PRKN: variants seen among roughly 807,000 people sequenced by gnomAD.
PRKN encodes E3 ubiquitin-protein ligase parkin.
PRKN carries 56 observed loss-of-function variants against 59.5 expected under a neutral mutation model. The ratio of observed to expected loss-of-function variants is 0.94; its 90% confidence interval spans 0.76 to 1.18. PRKN has a LOEUF of 1.18. Ranked by LOEUF, PRKN falls within the 50% of genes most tolerant of loss-of-function variation. The probability of loss-of-function intolerance (pLI) is 0.00; values close to 1 mark genes in which losing one functional copy is unlikely to be tolerated. For missense variants in PRKN, 657 were observed against 596.4 expected (o/e 1.10, Z -1.06); for synonymous variants, 250 against 222.1 (o/e 1.13, Z -1.12).
At chr6:162,218,009 A>G (rs1777767183) in intron 3 of PRKN, among the ~76,000 whole-genome samples, 1 of 152,182 alleles carries the variant, frequency 6.6e-6, no homozygotes, top group Admixed American at 6.5e-5. Context: ...AGAGGTAGAC[A>G]TGTCCCACAC....
At chr6:162,347,304 A>C (rs1784443307) in intron 2 of PRKN, among the ~76,000 whole-genome samples, 1 of 148,588 alleles carries the variant, frequency 6.7e-6, no homozygotes, top group Non-Finnish European at 1.5e-5. Flanking sequence ...TTATAGCCAC[A>C]CATGTAAAAG....
At chr6:161,732,393 A>G (rs1254651054) in intron 7 of PRKN, among the ~76,000 whole-genome samples, 59 of 151,082 alleles carry the variant, frequency 3.9e-4, no homozygotes, top group Admixed American at 3.9e-3. Context: ...CCCACCCTCC[A>G]TGCTCAGGTA....
intron 7 of PRKN, among the ~76,000 whole-genome samples, chr6:161,784,137 G>A (rs184359462): frequency 1.7e-4 from 26 of 152,174 alleles, no homozygotes; most frequent in Non-Finnish European, 3.1e-4. Flanking sequence ...CTTCACTCCA[G>A]GTACATAAAT....
At chr6:162,235,963 A>AAGAAAGAAAGAAAGAAAGAAAG (rs1778662786) in intron 3 of PRKN, among the ~76,000 whole-genome samples, 1 of 61,540 alleles carries the variant, frequency 1.6e-5, no homozygotes, top group African/African-American at 7.6e-5. Flanking sequence ...GAAAGGAAGA[A>AAGAAAGAAAGAAAGAAAGAAAG]AGAAAGAAAG....
rs560543069 is a variant in PRKN, at chr6:161,512,740, GGA to G, written c.1083+36112_1083+36113del. ...ACGTGTGACTATGTAGAGCAAACGCGGAGAGGCAAGTGCCCCTGACTCTTACT... is the reference window on the plus strand; with the variant it reads ...ACGTGTGACTATGTAGAGCAAACGCGGAGGCAAGTGCCCCTGACTCTTACT... On this transcript the variant is annotated intron_variant, in intron 9 of 11. Coordinates refer to ENST00000366898, the MANE Select transcript of PRKN (RefSeq NM_004562.3). Among the ~76,000 whole-genome samples, 9 of 152,262 alleles carry G rather than the reference GGA, an allele frequency of 5.9e-5. No individual in the cohort carries two copies. In the South Asian group the frequency reaches 1.9e-3, roughly 32 times the overall value.
intron 4 of PRKN, among the ~76,000 whole-genome samples, chr6:162,119,557 G>C (rs1481206819): frequency 2.0e-5 from 3 of 152,128 alleles, no homozygotes; most frequent in Non-Finnish European, 4.4e-5. Context: ...GTCTGCTTGC[G>C]GTTTGTGTCA....
At chr6:162,600,683 T>C (rs578231411) in intron 1 of PRKN, among the ~76,000 whole-genome samples, 3 of 152,274 alleles carry the variant, frequency 2.0e-5, no homozygotes, top group East Asian at 3.9e-4. Context: ...TTTAGCACCA[T>C]CCTCTCAGTG....
intron 6 of PRKN, among the ~76,000 whole-genome samples, chr6:161,789,205 A>G (rs1180879440): frequency 2.0e-5 from 3 of 152,198 alleles, no homozygotes; most frequent in Non-Finnish European, 4.4e-5. Context: ...AGGAGTAAAA[A>G]TCTTTTCATG....
intron 1 of PRKN, among the ~76,000 whole-genome samples, chr6:162,556,364 T>TGC (rs1554243419): frequency 5.5e-5 from 5 of 91,170 alleles, no homozygotes; most frequent in African/African-American, 1.3e-4. Flanking sequence ...TGTGTGTGTG[T>TGC]GTGTGTGTGT....
intron 6 of PRKN, among the ~76,000 whole-genome samples, chr6:161,819,974 C>T (rs1310727763): frequency 2.0e-5 from 3 of 152,002 alleles, no homozygotes; most frequent in Admixed American, 1.3e-4. Context: ...TAATAAGTAA[C>T]ACTGAAAAAA....
intron 2 of PRKN, among the ~76,000 whole-genome samples, chr6:162,387,057 T>C (rs755073789): frequency 1.3e-5 from 2 of 152,204 alleles, no homozygotes; most frequent in Admixed American, 6.5e-5. Context: ...TATAGATTCA[T>C]TTATTTATTT....
At chr6:161,511,039 T>C (rs1473143841) in intron 9 of PRKN, among the ~76,000 whole-genome samples, 1 of 152,238 alleles carries the variant, frequency 6.6e-6, no homozygotes, top group Non-Finnish European at 1.5e-5. Flanking sequence ...GAAAATGAAG[T>C]AATCTCTTAG....
chr6:162,357,538 T>C lies in PRKN; in HGVS notation c.171+85772A>G, dbSNP rs1414071276. 3.3e-5 allele frequency among the ~76,000 whole-genome samples: 5 copies of C among 152,152 alleles called. No individual in the cohort carries two copies. In the South Asian group the frequency reaches 6.2e-4, roughly 19 times the overall value. ...AAAAAGAACTCTCATTCCTTCCTGG[T>C]GGGAATGCAAAACGTTATGACCAGT... On this transcript the variant is annotated intron_variant, in intron 2 of 11. Coordinates refer to ENST00000366898, the MANE Select transcript of PRKN (RefSeq NM_004562.3).
chr6:162,612,318 A>G (rs13191362), intron 1 of PRKN, among the ~76,000 whole-genome samples: 13,247 of 152,134 alleles, frequency 0.087, 724 homozygotes, highest in Middle Eastern at 0.18. Context: ...TCAATTCAAA[A>G]GACCATCTAG....
intron 7 of PRKN, among the ~76,000 whole-genome samples, chr6:161,726,929 G>T (rs979666547): frequency 6.6e-6 from 1 of 152,156 alleles, no homozygotes; most frequent in Non-Finnish European, 1.5e-5. Flanking sequence ...ATACTGGCCA[G>T]TCACATCTGA....
chr6:162,701,895 C>A (rs1388959950), intron 1 of PRKN, among the ~76,000 whole-genome samples: 1 of 148,904 alleles, frequency 6.7e-6, no homozygotes, highest in Non-Finnish European at 1.5e-5. Context: ...ACCCCCCCGA[C>A]AAAATGAAAC....
At chr6:162,615,379 A>G (rs543252292) in intron 1 of PRKN, among the ~76,000 whole-genome samples, 2 of 152,192 alleles carry the variant, frequency 1.3e-5, no homozygotes, top group Non-Finnish European at 2.9e-5. Flanking sequence ...CTATATACTC[A>G]GCAGTATACC....
At chr6:162,055,328 C>T (rs1777813151) in intron 4 of PRKN, among the ~76,000 whole-genome samples, 1 of 152,148 alleles carries the variant, frequency 6.6e-6, no homozygotes, top group Non-Finnish European at 1.5e-5. Flanking sequence ...TAACTTGCAG[C>T]AATACCTTCA....
In PRKN at chr6:162,409,704, CA is replaced by C. The variant is rs78187819; in HGVS notation, c.171+33605del. Among the ~76,000 whole-genome samples, 330 of 152,178 alleles carry C rather than the reference CA, an allele frequency of 2.2e-3. 5 individuals are homozygous for C. Among genetic ancestry groups the C allele is most frequent in the East Asian group, 0.016 (81 of 5,186 alleles). ...TATTTACCTCTTTCAAGCCCAAGCA[CA>C]AAATATTTGGTTTGTTTAAACTACA... On this transcript the variant is annotated intron_variant, in intron 2 of 11. Coordinates refer to ENST00000366898, the MANE Select transcript of PRKN (RefSeq NM_004562.3).
Sources: allele counts gnomAD v4.1 joint callset (sites outside exome capture counted in the v4.1 genomes callset), GRCh38; gene constraint gnomAD v4.1.1; transcripts MANE v1.5; gene names NCBI Gene and HGNC (gene_info 2026-07-23, HGNC 2026-07-21).